The following PCDHA9 variants were observed in gnomAD, a reference collection of about 807,000 sequenced individuals.
PCDHA9 encodes protocadherin alpha-9.
Under a neutral mutation model 62.0 loss-of-function variants are expected in PCDHA9, and 62 were observed. That is an observed-to-expected ratio of 1.00 (90% CI 0.81 to 1.23). The LOEUF (loss-of-function observed/expected upper bound fraction) is 1.23, where lower values mean the gene tolerates loss of function less well. Among genes scored for constraint, PCDHA9 ranks in the 50% most tolerant of loss-of-function variants. PCDHA9 has a pLI of 0.00. For synonymous variants in PCDHA9, 557 were observed against 567.6 expected (o/e 0.98, Z 0.27); for missense variants, 1,205 against 1,249.8 (o/e 0.96, Z 0.54).
intron 3 of PCDHA9, among the ~76,000 whole-genome samples, chr5:141,008,352 A>T (rs549122044): frequency 6.6e-6 from 1 of 152,204 alleles, no homozygotes; most frequent in Non-Finnish European, 1.5e-5. Flanking sequence ...TTCACGTGTC[A>T]ACCAAAGGAG....
chr5:140,965,283 A>G (rs1342044804), intron 1 of PCDHA9, among the ~76,000 whole-genome samples: 1 of 152,200 alleles, frequency 6.6e-6, no homozygotes, highest in Non-Finnish European at 1.5e-5. Context: ...CACAGCATGG[A>G]AAGATTTCCT....
intron 1 of PCDHA9, among the ~76,000 whole-genome samples, chr5:140,887,915 C>T (rs566586212): frequency 6.6e-6 from 1 of 152,290 alleles, no homozygotes; most frequent in Non-Finnish European, 1.5e-5. Flanking sequence ...GTGTATTCTT[C>T]ATTTCAGAGA....
chr5:140,861,875 G>A (rs536316247), intron 1 of PCDHA9: 3 of 156,086 alleles, frequency 1.9e-5, no homozygotes, highest in African/African-American at 7.2e-5. Context: ...TGGGGGCGAA[G>A]CTGAGCTGAC....
intron 1 of PCDHA9, among the ~76,000 whole-genome samples, chr5:140,973,052 G>C (rs114678656): frequency 0.013 from 2,011 of 152,210 alleles, 55 homozygotes; most frequent in African/African-American, 0.046. Flanking sequence ...TAGTAGATTT[G>C]TCCAACAGTG....
intron 1 of PCDHA9, chr5:140,967,070 A>C (rs781831975): frequency 6.2e-7 from 1 of 1,613,072 alleles, no homozygotes; most frequent in South Asian, 1.1e-5. Context: ...GCTCTTCGTC[A>C]ACGAGCGCAT....
chr5:140,853,779 T>G lies in PCDHA9; in HGVS notation c.2394+2890T>G, dbSNP rs958716488. On this transcript the variant is annotated intron_variant, in intron 1 of 3. Coordinates refer to ENST00000532602, the MANE Select transcript of PCDHA9 (RefSeq NM_031857.2). ...ACCTCAGAAATTCTGAAATGGGTAG[T>G]AAGAGCAAATTTTCATTTTAAAGCA... 3.5e-5 allele frequency: 35 copies of G among 987,624 alleles called. No individual in the cohort carries two copies. In the African/African-American group the frequency reaches 6.2e-4, roughly 17 times the overall value. 61.2% of individuals were successfully genotyped at this position (987,624 alleles called of 1,614,324 possible).
rs368920437 is a variant in PCDHA9, at chr5:140,857,660, G to T, written c.2394+6771G>T. On this transcript the variant is annotated intron_variant, in intron 1 of 3. Coordinates refer to ENST00000532602, the MANE Select transcript of PCDHA9 (RefSeq NM_031857.2). ...GCTACAGTTCCAGGTGAGCGCGCGC[G>T]ATGGGGGCGTGCCGCCTCTGGGCAG... is the stretch of plus-strand genomic sequence containing the variant. 1.2e-5 allele frequency: 19 copies of T among 1,596,850 alleles called. 2 individuals are homozygous for T. In the East Asian group the frequency reaches 1.3e-4, roughly 11 times the overall value.
chr5:140,928,424 C>A, intron 1 of PCDHA9: 1 of 1,614,184 alleles, frequency 6.2e-7, no homozygotes, highest in Non-Finnish European at 8.5e-7. Context: ...ACTGCCAAAA[C>A]TTCCTTTGAC....
intron 1 of PCDHA9, among the ~76,000 whole-genome samples, chr5:140,900,826 A>G (rs1554189460): frequency 2.0e-5 from 3 of 152,224 alleles, no homozygotes. Flanking sequence ...CATTCCCACC[A>G]ACAATGTACA....
chr5:140,966,886 G>T, intron 1 of PCDHA9: 1 of 1,592,132 alleles, frequency 6.3e-7, no homozygotes. Context: ...CTGGCCCTGC[G>T]GCCTCCCAGC....
intron 1 of PCDHA9, chr5:140,856,380 G>T: frequency 6.3e-7 from 1 of 1,598,530 alleles, no homozygotes; most frequent in Non-Finnish European, 8.6e-7. Flanking sequence ...ATCGTGGACA[G>T]GCCGCTGCAG....
chr5:140,899,548 T>C (rs1452628026), intron 1 of PCDHA9, among the ~76,000 whole-genome samples: 5 of 152,214 alleles, frequency 3.3e-5, no homozygotes, highest in African/African-American at 1.2e-4. Flanking sequence ...TCATGGTGGA[T>C]AAGCTTTTTG....
At chr5:140,982,234 A>C (rs1039012011) in intron 2 of PCDHA9, 1 of 643,856 alleles carries the variant, frequency 1.6e-6, no homozygotes. Flanking sequence ...AAAAAACAGA[A>C]TTGCCATAAA....
chr5:140,878,033 A>G, intron 1 of PCDHA9: 2 of 574,166 alleles, frequency 3.5e-6, no homozygotes, highest in Non-Finnish European at 5.4e-6. Context: ...TGTAGGTACA[A>G]TGGAGGCCAT....
Position 140,879,336 on chromosome 5 carries a change from AG to A in PCDHA9, c.2394+28448del, listed in dbSNP as rs1391403992. Among the ~76,000 whole-genome samples, 16 of 152,362 alleles carry A rather than the reference AG, an allele frequency of 1.1e-4. No individual in the cohort carries two copies. In the East Asian group the frequency reaches 2.9e-3, roughly 28 times the overall value. ...TGACTCTCACTTTTTTAGTTTGTTC[AG>A]CTGAGAAGATGACATTGCCATTAAC... On this transcript the variant is annotated intron_variant, in intron 1 of 3. Transcript: ENST00000532602.
intron 3 of PCDHA9, among the ~76,000 whole-genome samples, chr5:140,998,786 A>G (rs1210415944): frequency 1.3e-5 from 2 of 152,026 alleles, no homozygotes; most frequent in African/African-American, 4.8e-5. Flanking sequence ...CTGGTCTGGA[A>G]CCCCTGACCT....
At chr5:140,962,772 T>C (rs1039768584) in intron 1 of PCDHA9, among the ~76,000 whole-genome samples, 2 of 152,336 alleles carry the variant, frequency 1.3e-5, no homozygotes, top group Admixed American at 1.3e-4. Context: ...TTTAACAAGA[T>C]GGAATTTTTA....
intron 1 of PCDHA9, among the ~76,000 whole-genome samples, chr5:140,959,126 G>A (rs1417334893): frequency 6.6e-6 from 1 of 152,066 alleles, no homozygotes; most frequent in Non-Finnish European, 1.5e-5. Context: ...GGCGAGGTGA[G>A]CCCACTTTGG....
intron 1 of PCDHA9, chr5:140,871,069 C>G: frequency 6.2e-7 from 1 of 1,613,228 alleles, no homozygotes; most frequent in East Asian, 2.2e-5. Context: ...TCACGGTGAG[C>G]CGGCGCTGAC....
Sources: gnomAD v4.1 joint callset for allele counts (sites outside exome capture counted in the v4.1 genomes callset) on GRCh38, gnomAD v4.1.1 for gene constraint, MANE v1.5 for transcripts, NCBI Gene and HGNC (gene_info 2026-07-23, HGNC 2026-07-21) for gene names.